The following CHRM5 variants were observed in gnomAD, a reference collection of about 807,000 sequenced individuals.
CHRM5 encodes cholinergic receptor muscarinic 5.
Under a neutral mutation model 39.0 loss-of-function variants are expected in CHRM5, and 18 were observed. The observed-to-expected ratio is 0.46, with a 90% CI of 0.32 to 0.68. The LOEUF is 0.68. Among genes scored for constraint, CHRM5 ranks in the 30% least tolerant of loss-of-function variants. The pLI is 0.04. For synonymous variants in CHRM5, 241 were observed against 246.3 expected, an observed-to-expected ratio of 0.98 and a Z score of 0.20; for missense variants, 515 against 651.1, an observed-to-expected ratio of 0.79 and a Z score of 2.28.
At chr15:34,016,655 G>A (rs1343882655) in intron 1 of CHRM5, among the ~76,000 whole-genome samples, 2 of 152,178 alleles carry the variant, frequency 1.3e-5, no homozygotes, top group African/African-American at 2.4e-5. Flanking sequence ...GTCTCTGCCT[G>A]CTTGTATGCT....
chr15:34,039,159 C>T, intron 1 of CHRM5: 1 of 914,792 alleles, frequency 1.1e-6, no homozygotes, highest in Non-Finnish European at 1.3e-6. Flanking sequence ...CGCCCGGTAG[C>T]AGCGAGGCGC....
intron 1 of CHRM5, among the ~76,000 whole-genome samples, chr15:34,030,820 G>C (rs1898753359): frequency 6.6e-6 from 1 of 151,656 alleles, no homozygotes; most frequent in Non-Finnish European, 1.5e-5. Context: ...ATCTTGCTTT[G>C]TTGCCCAGGC....
Position 34,063,708 on chromosome 15 carries a change from GA to G in CHRM5, c.994del (p.Ser332AlafsTer16). On this transcript the variant is annotated frameshift_variant, in exon 3 of 3. Coordinates refer to ENST00000383263, the MANE Select transcript of CHRM5 (RefSeq NM_012125.4). LOFTEE classifies it high-confidence loss of function. The surrounding 1 kb of genome is among the most constrained non-coding windows in gnomAD (Gnocchi z 4.1). ...AGTGGTCTACAAGAGTCAGGGTAAG[GA>G]AAGCCCAGGGGAAGAATTCAGTGCT... ...LQVVYKSQGKESPGEEFSAEE... is the reference protein window; with the variant it reads ...LQVVYKSQGKXSPGEEFSAEE... 1 of 1,614,202 alleles carries G rather than the reference GA, an allele frequency of 6.2e-7. No individual in the cohort carries two copies. The highest frequency in any genetic ancestry group is 1.1e-5 in the South Asian group (1 of 91,082).
chr15:34,064,000 A>G lies in CHRM5; in HGVS notation c.1283A>G (p.Lys428Arg). The G allele has an allele frequency of 1.2e-6, 2 of 1,614,130 alleles. No individual in the cohort carries two copies. The highest frequency in any genetic ancestry group is 1.7e-6 in the Non-Finnish European group (2 of 1,180,014). Reference protein sequence around the residue: ...LNPNPSHQMTKRKRVVLVKER... With the variant: ...LNPNPSHQMTRRKRVVLVKER... ...CCCAACCCCAGCCATCAAATGACCAAACGAAAGAGAGTGGTCCTAGTCAAA... is the reference window on the plus strand; with the variant it reads ...CCCAACCCCAGCCATCAAATGACCAGACGAAAGAGAGTGGTCCTAGTCAAA... The change falls in exon 3 of 3, where the codon AAA becomes AGA. Residue 428 changes from lysine to arginine, a missense_variant. By Grantham distance (26) the Lys-to-Arg change is conservative. Coordinates refer to ENST00000383263, the MANE Select transcript of CHRM5 (RefSeq NM_012125.4). The surrounding 1 kb of genome is among the most constrained non-coding windows in gnomAD (Gnocchi z 4.1).
Position 34,064,380 on chromosome 15 carries a change from C to A in CHRM5, c.*64C>A, listed in dbSNP as rs1451978410. On this transcript the variant is annotated 3_prime_UTR_variant, in exon 3 of 3. Coordinates refer to ENST00000383263, the MANE Select transcript of CHRM5 (RefSeq NM_012125.4). The stretch of plus-strand genomic sequence containing the variant: ...TCAACATCCTCTGAGGATGAGCAAG[C>A]TGATTCTGGTTTGTATATTTTCAAA... 2 of 1,486,498 alleles carry A rather than the reference C, an allele frequency of 1.3e-6. No homozygotes were observed. Among genetic ancestry groups the A allele is most frequent in the Non-Finnish European group, 1.8e-6 (2 of 1,113,214 alleles). 92.1% of individuals were successfully genotyped at this position (1,486,498 alleles called of 1,614,324 possible).
chr15:34,054,998 G>A (rs1438072249), intron 2 of CHRM5, among the ~76,000 whole-genome samples: 5 of 152,126 alleles, frequency 3.3e-5, no homozygotes, highest in Non-Finnish European at 7.4e-5. Context: ...TTCGAGACCA[G>A]CCTGACCAAC....
At chr15:34,056,911 T>C (rs569203361) in intron 2 of CHRM5, among the ~76,000 whole-genome samples, 1 of 152,196 alleles carries the variant, frequency 6.6e-6, no homozygotes, top group Non-Finnish European at 1.5e-5. Context: ...TTGTGGCACA[T>C]GCCTGTAGTC....
At chr15:33,989,921 T>A (rs1222019463) in intron 1 of CHRM5, among the ~76,000 whole-genome samples, 1 of 150,284 alleles carries the variant, frequency 6.7e-6, no homozygotes, top group Non-Finnish European at 1.5e-5. Flanking sequence ...GGTACCCAGA[T>A]GAGGCCGGGT....
intron 1 of CHRM5, among the ~76,000 whole-genome samples, chr15:33,981,229 A>G (rs1344920708): frequency 1.3e-5 from 2 of 152,208 alleles, no homozygotes; most frequent in African/African-American, 4.8e-5. Flanking sequence ...GAAGCGGATG[A>G]ATTTCATTTC....
Position 34,063,985 on chromosome 15 carries a change from G to A in CHRM5, c.1268G>A (p.Ser423Asn), listed in dbSNP as rs776403246. 2.5e-6 allele frequency: 4 copies of A among 1,613,992 alleles called. No homozygotes were observed. The highest frequency in any genetic ancestry group is 8.5e-7 in the Non-Finnish European group (1 of 1,180,024). ...PSTKGLNPNP[S>N]HQMTKRKRVV... ...ACGAAAGGCCTCAATCCCAACCCCA[G>A]CCATCAAATGACCAAACGAAAGAGA... The change falls in exon 3 of 3, where the codon AGC becomes AAC. Residue 423 changes from serine (S) to asparagine (N), a missense_variant. Physicochemically the swap from Ser to Asn is conservative, Grantham distance 46. Transcript: ENST00000383263. This position sits in a 1 kb window ranked among gnomAD's most constrained non-coding sequence, Gnocchi z 4.1.
chr15:34,062,480 G>A (rs1170773791), intron 2 of CHRM5, among the ~76,000 whole-genome samples, 163 bp from the exon 3 acceptor site: 7 of 151,186 alleles, frequency 4.6e-5, no homozygotes, highest in Non-Finnish European at 1.0e-4. Context: ...GCCTGAACCC[G>A]GGAGGCGGAG....
At chr15:34,029,585 T>G (rs1486785420) in intron 1 of CHRM5, among the ~76,000 whole-genome samples, 1 of 150,040 alleles carries the variant, frequency 6.7e-6, no homozygotes, top group Non-Finnish European at 1.5e-5. Flanking sequence ...TGTTTACATA[T>G]TCATAGTACT....
chr15:34,047,225 C>G (rs1041977885), intron 2 of CHRM5, among the ~76,000 whole-genome samples: 1 of 151,972 alleles, frequency 6.6e-6, no homozygotes, highest in Non-Finnish European at 1.5e-5. Context: ...CTACAGGCGC[C>G]CGCCACCATG....
chr15:33,996,914 T>C (rs117796415), intron 1 of CHRM5, among the ~76,000 whole-genome samples: 3,259 of 152,260 alleles, frequency 0.021, 55 homozygotes, highest in Non-Finnish European at 0.03. Context: ...TTCTCCCAGC[T>C]AAAGGAGGCT....
intron 1 of CHRM5, among the ~76,000 whole-genome samples, chr15:34,025,244 T>C (rs1019696257): frequency 2.1e-4 from 32 of 152,152 alleles, no homozygotes; most frequent in Admixed American, 1.2e-3. Context: ...GGGAGGGAAA[T>C]GTAATTTACT....
At chr15:34,022,963 G>A (rs141164582) in intron 1 of CHRM5, among the ~76,000 whole-genome samples, 2,717 of 152,260 alleles carry the variant, frequency 0.018, 91 homozygotes, top group African/African-American at 0.061. Flanking sequence ...CGAGGCGGGC[G>A]GATCACAAGG....
At chr15:34,005,183 A>G (rs1243079110) in intron 1 of CHRM5, among the ~76,000 whole-genome samples, 2 of 152,174 alleles carry the variant, frequency 1.3e-5, no homozygotes, top group Non-Finnish European at 2.9e-5. Context: ...TTTAAAAAAT[A>G]TTCTTCATCT....
In CHRM5 at chr15:34,063,507, C is replaced by A; in HGVS notation, c.790C>A (p.Arg264=). 1 of 1,613,734 alleles carries A rather than the reference C, an allele frequency of 6.2e-7. No homozygotes were observed. Among genetic ancestry groups the A allele is most frequent in the Non-Finnish European group, 8.5e-7 (1 of 1,180,036 alleles). ...LRCPRPTLAQ[R]ERNQASWSSS... Reference sequence around the variant, plus strand: ...CTGTCCTCGACCCACCCTGGCCCAGCGGGAAAGGAACCAGGCCTCCTGGTC... The same window carrying A: ...CTGTCCTCGACCCACCCTGGCCCAGAGGGAAAGGAACCAGGCCTCCTGGTC... The change falls in exon 3 of 3, where the codon CGG becomes AGG. Residue 264 remains arginine, a synonymous_variant. Transcript: ENST00000383263. The surrounding 1 kb of genome is among the most constrained non-coding windows in gnomAD (Gnocchi z 4.1).
At chr15:34,010,590 T>C (rs371557032) in intron 1 of CHRM5, among the ~76,000 whole-genome samples, 2,775 of 151,654 alleles carry the variant, frequency 0.018, 81 homozygotes, top group African/African-American at 0.064. Context: ...ATTCACACCA[T>C]TTTTCACCCA....
Sources: gnomAD v4.1 joint callset for allele counts (sites outside exome capture counted in the v4.1 genomes callset) on GRCh38, gnomAD v4.1.1 for gene constraint, Gnocchi (gnomAD v3.1) non-coding constraint, MANE v1.5 for transcripts, NCBI Gene and HGNC (gene_info 2026-07-23, HGNC 2026-07-21) for gene names.